The following ZYG11A variants were observed in gnomAD, a reference collection of about 807,000 sequenced individuals.
The protein encoded by ZYG11A is protein zyg-11 homolog A.
In ZYG11A, 62 loss-of-function variants were observed where a neutral mutation model predicts 77.2. The observed-to-expected ratio is 0.80, with a 90% confidence interval of 0.65 to 0.99. ZYG11A has a LOEUF of 0.99. ZYG11A is among the 50% of genes least tolerant of loss of function. The pLI, the probability that ZYG11A is intolerant of heterozygous loss-of-function variation, is 0.00. For missense variants in ZYG11A, 828 were observed against 896.8 expected (o/e 0.92, Z 0.98); for synonymous variants, 315 against 324.6 (o/e 0.97, Z 0.32).
intron 4 of ZYG11A, among the ~76,000 whole-genome samples, chr1:52,861,363 T>A (rs1346239120): frequency 6.6e-6 from 1 of 152,234 alleles, no homozygotes; most frequent in Non-Finnish European, 1.5e-5. Context: ...ATTGTTGTTT[T>A]TAGTGAAACA....
At chr1:52,856,578 T>G (rs1396820898) in intron 2 of ZYG11A, among the ~76,000 whole-genome samples, 1 of 152,128 alleles carries the variant, frequency 6.6e-6, no homozygotes, top group Non-Finnish European at 1.5e-5. Flanking sequence ...ATCTACTAAT[T>G]TGGTTAAAAA....
Position 52,854,631 on chromosome 1 carries a change from G to A in ZYG11A, c.256+1G>A. 2.0e-6 allele frequency: 3 copies of A among 1,528,792 alleles called. No individual in the cohort carries two copies. Among genetic ancestry groups the A allele is most frequent in the Non-Finnish European group, 1.8e-6 (2 of 1,130,902 alleles). 94.7% of individuals were successfully genotyped at this position (1,528,792 alleles called of 1,614,324 possible). Reference sequence around the variant, plus strand: ...TTTCTCAGGGTGATGACTTGGCAAGGTAGTGATAAGGCTTCTCTAAAGTCA... The same window carrying A: ...TTTCTCAGGGTGATGACTTGGCAAGATAGTGATAAGGCTTCTCTAAAGTCA... On this transcript the variant is annotated splice_donor_variant, in intron 2 of 13. Transcript: ENST00000371528. LOFTEE classifies it high-confidence loss of function.
At chr1:52,885,709 T>C (rs1571881455) in intron 11 of ZYG11A, 124 bp from the exon 12 acceptor site, 9 of 665,230 alleles carry the variant, frequency 1.4e-5, no homozygotes, top group South Asian at 3.9e-5. Context: ...ATAATCGTTA[T>C]GTGATTGATA....
At chr1:52,843,100 C>A in intron 1 of ZYG11A, 127 bp downstream of exon 1, 2 of 748,528 alleles carry the variant, frequency 2.7e-6, no homozygotes, top group Non-Finnish European at 3.8e-6. Context: ...GGGCTGCGGT[C>A]TAGATGCCGA....
At position 52,865,933 on chromosome 1, in the gene ZYG11A, G is replaced by GTTT. The variant is rs35299513; in HGVS notation, c.1327-550_1327-548dup. 1.4e-3 allele frequency among the ~76,000 whole-genome samples: 134 copies of GTTT among 96,800 alleles called. 1 individual carries two copies. The highest frequency in any genetic ancestry group is 4.6e-3 in the African/African-American group (116 of 25,464). The allele number at this position is 96,800 out of a possible 152,430, so 63.5% of individuals were successfully genotyped here. The stretch of plus-strand genomic sequence containing the variant: ...TACAAATGTGTACTTTGTAAAGGGA[G>GTTT]TTTTTTTTTTTTTTTTTTTTTTGAG... On this transcript the variant is annotated intron_variant, in intron 5 of 13. Coordinates refer to ENST00000371528, the MANE Select transcript of ZYG11A (RefSeq NM_001004339.3).
chr1:52,878,949 CAAAAAAA>C (rs914463472), intron 10 of ZYG11A, among the ~76,000 whole-genome samples: 14 of 27,274 alleles, frequency 5.1e-4, no homozygotes, highest in Non-Finnish European at 1.1e-3. Flanking sequence ...AAACTCTGCT[CAAAAAAA>C]AAAAAAAAAA....
rs549370965 is a variant in ZYG11A, at chr1:52,858,886, A to T, written c.1008+1137A>T. ...TGCCTTGGGCTCCCAAAGTGCTGGGATTACAGGCATGAGCCACCATGCTTG... is the reference window on the plus strand; with the variant it reads ...TGCCTTGGGCTCCCAAAGTGCTGGGTTTACAGGCATGAGCCACCATGCTTG... On this transcript the variant is annotated intron_variant, in intron 3 of 13. Coordinates refer to ENST00000371528, the MANE Select transcript of ZYG11A (RefSeq NM_001004339.3). 2.6e-5 allele frequency among the ~76,000 whole-genome samples: 4 copies of T among 152,256 alleles called. No individual in the cohort carries two copies. In the South Asian group the frequency reaches 8.3e-4, roughly 32 times the overall value.
chr1:52,887,026 G>A lies in ZYG11A; in HGVS notation c.2077G>A (p.Ala693Thr), dbSNP rs1646465405. 7 of 1,543,624 alleles carry A rather than the reference G, an allele frequency of 4.5e-6. No individual in the cohort carries two copies. The South Asian group carries it at 8.4e-5, about 18-fold the overall frequency. Reference protein sequence around the residue: ...QPEVQLWALWAMYHVCSKNPS... With the variant: ...QPEVQLWALWTMYHVCSKNPS... ...AGAGGTTCAGCTCTGGGCACTATGGGCTATGTATCATGTCTGCAGTAAAAA... is the reference window on the plus strand; with the variant it reads ...AGAGGTTCAGCTCTGGGCACTATGGACTATGTATCATGTCTGCAGTAAAAA... The change falls in exon 13 of 14, where the codon GCT becomes ACT. Residue 693 changes from alanine (A) to threonine (T), a missense_variant. Ala to Thr is a moderately conservative substitution (Grantham distance 58). Coordinates refer to ENST00000371528, the MANE Select transcript of ZYG11A (RefSeq NM_001004339.3).
intron 3 of ZYG11A, among the ~76,000 whole-genome samples, chr1:52,860,309 A>C (rs557580619): frequency 6.6e-6 from 1 of 152,248 alleles, no homozygotes; most frequent in South Asian, 2.1e-4. Flanking sequence ...CAGACTCCCA[A>C]AGTGTTGGGA....
Position 52,893,443 on chromosome 1 carries a change from G to C in ZYG11A, c.*486G>C, listed in dbSNP as rs941247302. ...TTTAGAAGGCAGAACCCCTGTTGGA[G>C]AGCGGGGAAAAGAATTTATTTATTT... On this transcript the variant is annotated 3_prime_UTR_variant, in exon 14 of 14. Transcript: ENST00000371528. The C allele has an allele frequency of 6.5e-6, 1 of 153,312 alleles. No individual in the cohort carries two copies. The highest frequency in any genetic ancestry group is 1.5e-5 in the Non-Finnish European group (1 of 68,806). 9.5% of individuals were successfully genotyped at this position (153,312 alleles called of 1,614,324 possible). A position where few individuals can be genotyped will look rare whatever the true frequency, so the allele number is the denominator to read the frequency against.
At chr1:52,861,328 C>G (rs540358558) in intron 4 of ZYG11A, among the ~76,000 whole-genome samples, 2 of 152,194 alleles carry the variant, frequency 1.3e-5, no homozygotes, top group South Asian at 4.1e-4. Flanking sequence ...ATTTATTTTT[C>G]TTTTATACAT....
intron 3 of ZYG11A, 94 bp downstream of exon 3, chr1:52,857,843 C>G (rs1459925924): frequency 9.5e-7 from 1 of 1,057,992 alleles, no homozygotes; most frequent in Non-Finnish European, 1.3e-6. Flanking sequence ...ATTAGGGTTA[C>G]AGAGACAGAT....
At chr1:52,887,510 T>TGGGAGACTGGGAGGCC (rs1211241158) in intron 13 of ZYG11A, among the ~76,000 whole-genome samples, 2 of 152,270 alleles carry the variant, frequency 1.3e-5, no homozygotes, top group South Asian at 2.1e-4. Context: ...TAATGGTCTC[T>TGGGAGACTGGGAGGCC]GGGAGACTGG....
intron 1 of ZYG11A, among the ~76,000 whole-genome samples, chr1:52,846,310 T>TATATATATA (rs1645577708): frequency 2.8e-5 from 1 of 35,822 alleles, no homozygotes; most frequent in African/African-American, 8.7e-5. Flanking sequence ...TTTTAAATTT[T>TATATATATA]TATATATATA....
intron 3 of ZYG11A, among the ~76,000 whole-genome samples, chr1:52,858,942 T>C (rs1413642148): frequency 1.3e-5 from 2 of 152,196 alleles, no homozygotes; most frequent in East Asian, 1.9e-4. Flanking sequence ...AGTAACTCTT[T>C]CTTTATAATA....
chr1:52,853,653 G>A (rs897896662), intron 1 of ZYG11A, among the ~76,000 whole-genome samples: 21 of 152,168 alleles, frequency 1.4e-4, no homozygotes, highest in Non-Finnish European at 3.1e-4. Flanking sequence ...GCTCATGCCT[G>A]TAATCCAGCA....
chr1:52,846,475 C>T (rs995048292), intron 1 of ZYG11A, among the ~76,000 whole-genome samples: 6 of 150,824 alleles, frequency 4.0e-5, no homozygotes, highest in Admixed American at 6.7e-5. Flanking sequence ...GCTTCAGCCT[C>T]TTGAGTAGCT....
chr1:52,858,977 G>A (rs1645870971), intron 3 of ZYG11A, among the ~76,000 whole-genome samples: 1 of 152,120 alleles, frequency 6.6e-6, no homozygotes, highest in Admixed American at 6.5e-5. Context: ...CTTCCTAGGG[G>A]AAGAGAATAA....
chr1:52,880,878 C>G lies in ZYG11A; in HGVS notation c.1750-593C>G, dbSNP rs563038361. Among the ~76,000 whole-genome samples the G allele has an allele frequency of 8.5e-5, 13 of 152,298 alleles. No homozygotes were observed. The East Asian group carries it at 1.9e-3, about 23-fold the overall frequency. ...CTTTGATTGCAGCCCTGTGAGATCT[C>G]AGAGAAGAGGGTCTAGCTAAGTCAT... is the stretch of plus-strand genomic sequence containing the variant. On this transcript the variant is annotated intron_variant, in intron 10 of 13. Coordinates refer to ENST00000371528, the MANE Select transcript of ZYG11A (RefSeq NM_001004339.3).
Sources: gnomAD v4.1 joint callset for allele counts (sites outside exome capture counted in the v4.1 genomes callset) on GRCh38, gnomAD v4.1.1 for gene constraint, MANE v1.5 for transcripts, NCBI Gene and HGNC (gene_info 2026-07-23, HGNC 2026-07-21) for gene names.